PIR: variants seen among roughly 807,000 people sequenced by gnomAD.
The protein encoded by PIR is pirin, also known as pirin (iron-binding nuclear protein).
A neutral mutation model predicts 24.2 loss-of-function variants in PIR; 22 were observed. That is an observed-to-expected ratio of 0.91 (90% CI 0.65 to 1.30). The LOEUF is 1.30. Among genes scored for constraint, PIR ranks in the 50% most tolerant of loss-of-function variants. PIR has a pLI of 0.00. For missense variants in PIR, 220 were observed against 220.3 expected (o/e 1.00, Z 0.01); for synonymous variants, 80 against 79.6 (o/e 1.00, Z -0.03).
At chrX:15,447,857 T>C (rs1926161133) in intron 5 of PIR, among the ~76,000 whole-genome samples, 1 of 112,155 alleles carries the variant, frequency 8.9e-6, no homozygotes, top group African/African-American at 3.2e-5. Flanking sequence ...CTAACCTTTA[T>C]TGAAGTTGAC....
intron 2 of PIR, among the ~76,000 whole-genome samples, chrX:15,483,556 T>G (rs1489552770): frequency 8.9e-6 from 1 of 111,760 alleles, no homozygotes. Flanking sequence ...CACTAGTAAG[T>G]CTCTGCCCTT....
intron 5 of PIR, among the ~76,000 whole-genome samples, chrX:15,446,247 T>C (rs1293298776): frequency 8.9e-6 from 1 of 112,111 alleles, no homozygotes; most frequent in Non-Finnish European, 1.9e-5. Flanking sequence ...TTTCCAATTT[T>C]CATACTTTAG....
At position 15,431,828 on chromosome X, in the gene PIR, T is replaced by C. The variant is rs191246510; in HGVS notation, c.481-5838A>G. ...TGTTCTTGAACAAATCATCATCTGA[T>C]CACTTGTTATACTAACTAACTTGCT... On this transcript the variant is annotated intron_variant, in intron 5 of 9. Transcript: ENST00000380420. Among the ~76,000 whole-genome samples the C allele has an allele frequency of 2.9e-3, 323 of 110,481 alleles. 1 individual carries two copies. Among genetic ancestry groups the C allele is most frequent in the Non-Finnish European group, 3.4e-3 (180 of 52,844 alleles).
chrX:15,442,015 G>A (rs918510609), intron 5 of PIR, among the ~76,000 whole-genome samples: 2 of 110,734 alleles, frequency 1.8e-5, no homozygotes, highest in East Asian at 2.8e-4. Context: ...AAAGAAAGAC[G>A]TACAGGCATA....
intron 5 of PIR, among the ~76,000 whole-genome samples, chrX:15,431,032 A>C (rs990956515): frequency 1.8e-5 from 2 of 112,275 alleles, no homozygotes; most frequent in Non-Finnish European, 1.9e-5. Flanking sequence ...ATGCATTCAC[A>C]GTTCTTTGGG....
intron 3 of PIR, among the ~76,000 whole-genome samples, chrX:15,466,006 G>GTTTTTTTTTTTTTTTTTTTTTT (rs200803758): frequency 1.6e-5 from 1 of 63,126 alleles, no homozygotes; most frequent in East Asian, 5.3e-4. Flanking sequence ...AATGGTGGCT[G>GTTTTTTTTTTTTTTTTTTTTTT]TTTTTTTTTT....
chrX:15,440,421 A>G (rs776472539), intron 5 of PIR, among the ~76,000 whole-genome samples: 1 of 110,239 alleles, frequency 9.1e-6, no homozygotes, highest in Non-Finnish European at 1.9e-5. Flanking sequence ...ACTCCTTTCT[A>G]TTACTCACGA....
chrX:15,406,474 C>T (rs1450238963), intron 7 of PIR, among the ~76,000 whole-genome samples: 2 of 111,694 alleles, frequency 1.8e-5, no homozygotes, highest in Non-Finnish European at 3.8e-5. Context: ...TCAGAGTTAT[C>T]CTGTCTGATG....
chrX:15,443,864 G>GATGT (rs1272293712), intron 5 of PIR, among the ~76,000 whole-genome samples: 19 of 112,403 alleles, frequency 1.7e-4, no homozygotes, highest in African/African-American at 6.1e-4. Flanking sequence ...GGAGCCTGAA[G>GATGT]ATGTGACTGA....
At chrX:15,461,787 A>T (rs921926606) in intron 3 of PIR, among the ~76,000 whole-genome samples, 9 of 112,474 alleles carry the variant, frequency 8.0e-5, no homozygotes, top group African/African-American at 2.9e-4. Context: ...TCATCTCAAA[A>T]AAATAAATAA....
intron 9 of PIR, among the ~76,000 whole-genome samples, chrX:15,387,306 A>G (rs1923803974): frequency 9.2e-6 from 1 of 108,632 alleles, no homozygotes; most frequent in Non-Finnish European, 1.9e-5. Context: ...CATGTTGGCC[A>G]GGCTGGTCTC....
intron 3 of PIR, among the ~76,000 whole-genome samples, chrX:15,469,061 T>C (rs754435744): frequency 3.9e-4 from 44 of 111,995 alleles, no homozygotes; most frequent in Non-Finnish European, 3.2e-4. Flanking sequence ...CACTCTTTCC[T>C]TGTTTTTCAT....
intron 3 of PIR, among the ~76,000 whole-genome samples, 174 bp from the exon 4 acceptor site, chrX:15,459,914 T>TAAAAA (rs56263338): frequency 1.0e-5 from 1 of 95,399 alleles, no homozygotes; most frequent in Non-Finnish European, 2.1e-5. Context: ...GCCTTTTCAT[T>TAAAAA]AAAAAAAAAA....
chrX:15,398,760 G>A (rs371015494), intron 7 of PIR, among the ~76,000 whole-genome samples: 2 of 104,750 alleles, frequency 1.9e-5, no homozygotes, highest in African/African-American at 6.9e-5. Flanking sequence ...GCAGAATGTG[G>A]AGTGAATTGG....
At chrX:15,453,376 C>T (rs911315668) in intron 5 of PIR, among the ~76,000 whole-genome samples, 8 of 112,299 alleles carry the variant, frequency 7.1e-5, no homozygotes, top group African/African-American at 2.6e-4. Context: ...TTAATCTTCA[C>T]AAAAAGTCCT....
At chrX:15,483,992 G>A (rs1922653502) in intron 2 of PIR, among the ~76,000 whole-genome samples, 1 of 112,470 alleles carries the variant, frequency 8.9e-6, no homozygotes, top group South Asian at 3.7e-4. Context: ...GTATCGAAGA[G>A]TTTTATATGA....
At chrX:15,442,374 C>T (rs766199634) in intron 5 of PIR, among the ~76,000 whole-genome samples, 70 of 111,524 alleles carry the variant, frequency 6.3e-4, no homozygotes, top group Middle Eastern at 9.2e-3. Context: ...CTCTCCCTCT[C>T]CTTGGGTCTC....
intron 4 of PIR, 24 bp downstream of exon 4, chrX:15,459,633 G>A (rs1427711416): frequency 2.8e-6 from 3 of 1,053,568 alleles, no homozygotes; most frequent in Non-Finnish European, 2.7e-6. Context: ...TAAACCACCA[G>A]CAATTCCTTG....
At chrX:15,474,278 C>T (rs1922083978) in intron 3 of PIR, among the ~76,000 whole-genome samples, 2 of 112,070 alleles carry the variant, frequency 1.8e-5, no homozygotes, top group Non-Finnish European at 3.8e-5. Context: ...GAACACTCAG[C>T]AGTGTATGAG....
Sources: allele counts gnomAD v4.1 joint callset (sites outside exome capture counted in the v4.1 genomes callset), GRCh38; gene constraint gnomAD v4.1.1; transcripts MANE v1.5; gene names NCBI Gene and HGNC (gene_info 2026-07-23, HGNC 2026-07-21).